Variants in RHOU observed in about 807,000 individuals in gnomAD.
RHOU encodes rho-related GTP-binding protein RhoU.
A neutral mutation model predicts 12.6 loss-of-function variants in RHOU; 8 were observed. That is an observed-to-expected ratio of 0.64 (90% CI 0.37 to 1.15). The LOEUF (loss-of-function observed/expected upper bound fraction) is 1.15. Ranked by LOEUF, RHOU falls within the 50% of genes most tolerant of loss-of-function variation. RHOU has a pLI of 0.01. For synonymous variants in RHOU, 161 were observed against 147.4 expected, an observed-to-expected ratio of 1.09 and a Z score of -0.67; for missense variants, 258 against 347.0, an observed-to-expected ratio of 0.74 and a Z score of 2.04.
At chr1:228,735,468 C>T (rs1375644176), upstream of RHOU, 8 of 232,908 alleles carry the variant, frequency 3.4e-5, no homozygotes, top group Admixed American at 4.6e-4. This position sits in a 1 kb window ranked among gnomAD's most constrained non-coding sequence, Gnocchi z 8.1. Flanking sequence ...GCCGGGAAGC[C>T]GGGCGGAGAC....
At chr1:228,707,453 G>T in the RHOU span, among the ~76,000 whole-genome samples, 3 of 151,222 alleles carry the variant, frequency 2.0e-5, no homozygotes, top group Non-Finnish European at 4.4e-5. Flanking sequence ...GCACGCAGCT[G>T]GAGATCTGAG....
the RHOU span, among the ~76,000 whole-genome samples, chr1:228,667,671 T>C: frequency 6.6e-6 from 1 of 152,234 alleles, no homozygotes; most frequent in Non-Finnish European, 1.5e-5. Flanking sequence ...CATTTGATGT[T>C]ACCTTTGATC....
At position 228,744,045 on chromosome 1, in the gene RHOU, G is replaced by C. The variant is rs1279081992; in HGVS notation, c.*305G>C. 2 of 282,056 alleles carry C rather than the reference G, an allele frequency of 7.1e-6. No homozygotes were observed. Among genetic ancestry groups the C allele is most frequent in the Non-Finnish European group, 1.3e-5 (2 of 150,142 alleles). 17.5% of individuals were successfully genotyped at this position (282,056 alleles called of 1,614,324 possible). On this transcript the variant is annotated 3_prime_UTR_variant, in exon 3 of 3. Transcript: ENST00000366691. ...AATATGAAGAAGACACCTCTAATCT[G>C]GATGTTAAGAATGAAGTTCTGCTAC...
the RHOU span, among the ~76,000 whole-genome samples, chr1:228,721,478 CCTTGTCCCTTTTGTTCTAGTAAGCT>C: frequency 6.6e-6 from 1 of 152,100 alleles, no homozygotes; most frequent in East Asian, 1.9e-4. Context: ...AAAGCCAAGC[CCTTGTCCCTTTTGTTCTAGTAAGCT>C]TGGAACACAC....
At chr1:228,657,769 T>C in the RHOU span, among the ~76,000 whole-genome samples, 1 of 152,220 alleles carries the variant, frequency 6.6e-6, no homozygotes. Flanking sequence ...ATAGACCATA[T>C]GTCAGGCCAC....
the RHOU span, among the ~76,000 whole-genome samples, chr1:228,678,672 T>C: frequency 6.6e-6 from 1 of 152,142 alleles, no homozygotes; most frequent in African/African-American, 2.4e-5. Context: ...TCAGTATAAA[T>C]ATTGATACGT....
At chr1:228,739,076 G>C (rs1662669888) in intron 2 of RHOU, among the ~76,000 whole-genome samples, 1 of 152,096 alleles carries the variant, frequency 6.6e-6, no homozygotes, top group African/African-American at 2.4e-5. Flanking sequence ...AGCTATGATG[G>C]TGCCACTGCA....
chr1:228,647,087 C>G, the RHOU span, among the ~76,000 whole-genome samples: 6 of 152,122 alleles, frequency 3.9e-5, no homozygotes, highest in South Asian at 1.2e-3. Context: ...GAGGAAGCAC[C>G]CTACTTCGGT....
the RHOU span, among the ~76,000 whole-genome samples, chr1:228,686,041 T>C: frequency 2.0e-5 from 3 of 152,174 alleles, no homozygotes; most frequent in Non-Finnish European, 2.9e-5. Flanking sequence ...GGAAACACAA[T>C]GTAAGTTAGT....
chr1:228,705,908 G>A, the RHOU span, among the ~76,000 whole-genome samples: 2 of 152,192 alleles, frequency 1.3e-5, no homozygotes, highest in Admixed American at 6.5e-5. Flanking sequence ...AGCCGGGCAC[G>A]ATGGCACATG....
chr1:228,712,106 T>A, the RHOU span, among the ~76,000 whole-genome samples: 1 of 151,680 alleles, frequency 6.6e-6, no homozygotes, highest in South Asian at 2.1e-4. Flanking sequence ...AAAACCACAA[T>A]GAGATACCAT....
In RHOU at chr1:228,738,353, A is replaced by AG. The variant is rs34325111; in HGVS notation, c.321+625dup. 4.6e-5 allele frequency among the ~76,000 whole-genome samples: 7 copies of AG among 152,192 alleles called. No individual in the cohort carries two copies. Among genetic ancestry groups the AG allele is most frequent in the Non-Finnish European group, 8.8e-5 (6 of 68,026 alleles). ...GGCTGGGCCCTTGGAGGAAATAGCC[A>AG]GGGAGTGTAGGGTTCCCTCTTTGTG... On this transcript the variant is annotated intron_variant, in intron 2 of 2. Transcript: ENST00000366691. This position sits in a 1 kb window ranked among gnomAD's most constrained non-coding sequence, Gnocchi z 4.2.
chr1:228,665,159 T>C, the RHOU span, among the ~76,000 whole-genome samples: 2 of 152,380 alleles, frequency 1.3e-5, no homozygotes, highest in East Asian at 3.8e-4. Context: ...CCAGGACCTA[T>C]GTTTTTATTG....
chr1:228,704,844 C>T, the RHOU span, among the ~76,000 whole-genome samples: 1 of 151,990 alleles, frequency 6.6e-6, no homozygotes, highest in Admixed American at 6.6e-5. Flanking sequence ...ACTCTGTTCC[C>T]CAGACTGGAG....
At chr1:228,655,640 A>G in the RHOU span, among the ~76,000 whole-genome samples, 2 of 152,344 alleles carry the variant, frequency 1.3e-5, no homozygotes, top group East Asian at 1.9e-4. Flanking sequence ...GCTAGTCGCG[A>G]TTCATTTCCC....
upstream of RHOU, among the ~76,000 whole-genome samples, chr1:228,733,262 C>T (rs1662528605): frequency 6.6e-6 from 1 of 152,198 alleles, no homozygotes; most frequent in Admixed American, 6.5e-5. Flanking sequence ...CTGTTTTGAT[C>T]AGGTTTAGTA....
chr1:228,711,470 A>G, the RHOU span, among the ~76,000 whole-genome samples: 1 of 152,154 alleles, frequency 6.6e-6, no homozygotes, highest in African/African-American at 2.4e-5. Flanking sequence ...GATATAGATC[A>G]ATGGAACAGA....
At chr1:228,662,541 T>C in the RHOU span, among the ~76,000 whole-genome samples, 1 of 152,152 alleles carries the variant, frequency 6.6e-6, no homozygotes, top group Non-Finnish European at 1.5e-5. Flanking sequence ...GGGACATGGA[T>C]GAAGCTGTAA....
chr1:228,690,294 A>G, the RHOU span, among the ~76,000 whole-genome samples: 2 of 152,094 alleles, frequency 1.3e-5, no homozygotes, highest in Non-Finnish European at 2.9e-5. Context: ...GGGCAACTTG[A>G]GAGACCAAAT....
Sources: gnomAD v4.1 joint callset for allele counts (sites outside exome capture counted in the v4.1 genomes callset) on GRCh38, gnomAD v4.1.1 for gene constraint, Gnocchi (gnomAD v3.1) non-coding constraint, MANE v1.5 for transcripts, NCBI Gene and HGNC (gene_info 2026-07-23, HGNC 2026-07-21) for gene names.